Variants in MALRD1 observed in about 807,000 individuals in gnomAD.
MALRD1 encodes the protein MAM and LDL-receptor class A domain-containing protein 1.
MALRD1 carries 247 observed loss-of-function variants against 242.1 expected under a neutral mutation model. The observed-to-expected ratio is 1.02, with a 90% confidence interval of 0.92 to 1.13. The LOEUF (loss-of-function observed/expected upper bound fraction) is 1.13, where lower values mean the gene tolerates loss of function less well. Among genes scored for constraint, MALRD1 ranks in the 50% most tolerant of loss-of-function variants. The pLI is 0.00. For missense variants in MALRD1, 2,989 were observed against 2,533.1 expected, an observed-to-expected ratio of 1.18 and a Z score of -3.86; for synonymous variants, 995 against 866.6, an observed-to-expected ratio of 1.15 and a Z score of -2.60.
At chr10:19,647,662 T>G (rs1840712161) in intron 36 of MALRD1, among the ~76,000 whole-genome samples, 1 of 152,186 alleles carries the variant, frequency 6.6e-6, no homozygotes, top group Admixed American at 6.5e-5. Context: ...GAGCAAGAAC[T>G]GTCCAACTGG....
chr10:19,218,959 T>C (rs1037510220), intron 18 of MALRD1, among the ~76,000 whole-genome samples: 1 of 152,144 alleles, frequency 6.6e-6, no homozygotes, highest in Non-Finnish European at 1.5e-5. Context: ...TCTAATAAGA[T>C]TACAAGTTTT....
intron 36 of MALRD1, among the ~76,000 whole-genome samples, chr10:19,688,728 C>T (rs911128260): frequency 2.0e-5 from 3 of 152,216 alleles, no homozygotes; most frequent in African/African-American, 7.2e-5. Flanking sequence ...ATGGGTGGAA[C>T]TTCAACACAC....
intron 14 of MALRD1, among the ~76,000 whole-genome samples, chr10:19,198,374 A>G (rs761556069): frequency 6.6e-6 from 1 of 152,226 alleles, no homozygotes; most frequent in Non-Finnish European, 1.5e-5. Context: ...AGATGTACAC[A>G]TGAAGCAGGC....
chr10:19,589,749 C>A (rs572325430), intron 33 of MALRD1, among the ~76,000 whole-genome samples: 1 of 152,206 alleles, frequency 6.6e-6, no homozygotes, highest in South Asian at 2.1e-4. Context: ...ATCAACGTTT[C>A]TGAGTGCCCA....
At position 19,305,851 on chromosome 10, in the gene MALRD1, C is replaced by T. The variant is rs1169899078; in HGVS notation, c.3420-18098C>T. On this transcript the variant is annotated intron_variant, in intron 21 of 39. Transcript: ENST00000454679. ...ATATATACTATATATTATGTATATA[C>T]TATATACTATACTATATATTATATA... Among the ~76,000 whole-genome samples the T allele has an allele frequency of 3.1e-5, 4 of 130,152 alleles. No individual in the cohort carries two copies. The East Asian group carries it at 6.4e-4, about 21-fold the overall frequency. 85.4% of individuals were successfully genotyped at this position (130,152 alleles called of 152,430 possible). A position where few individuals can be genotyped will look rare whatever the true frequency, so the allele number is the denominator to read the frequency against.
intron 32 of MALRD1, among the ~76,000 whole-genome samples, chr10:19,548,426 T>C (rs914479550): frequency 2.0e-4 from 31 of 152,174 alleles, no homozygotes; most frequent in African/African-American, 7.2e-4. Flanking sequence ...AAATTAGTTA[T>C]CTATTTTGAA....
At position 19,201,677 on chromosome 10, in the gene MALRD1, G is replaced by C. The variant is rs115485485; in HGVS notation, c.1952-2051G>C. Reference sequence around the variant, plus strand: ...TATTTATGTGTTGTTTGCATATTATGTACTTATGGAGATAGCTTTTAATCC... The same window carrying C: ...TATTTATGTGTTGTTTGCATATTATCTACTTATGGAGATAGCTTTTAATCC... On this transcript the variant is annotated intron_variant, in intron 14 of 39. Coordinates refer to ENST00000454679, the MANE Select transcript of MALRD1 (RefSeq NM_001142308.3). 5.8e-3 allele frequency among the ~76,000 whole-genome samples: 881 copies of C among 152,274 alleles called. 12 individuals are homozygous for C. The highest frequency in any genetic ancestry group is 0.02 in the African/African-American group (825 of 41,558).
At chr10:19,704,224 C>T (rs1349472420) in intron 38 of MALRD1, among the ~76,000 whole-genome samples, 1 of 152,120 alleles carries the variant, frequency 6.6e-6, no homozygotes, top group African/African-American at 2.4e-5. Flanking sequence ...TTCATAGAAT[C>T]GTAAGTCAGT....
intron 18 of MALRD1, among the ~76,000 whole-genome samples, chr10:19,242,185 A>T (rs1333081249): frequency 1.3e-5 from 2 of 152,178 alleles, no homozygotes; most frequent in African/African-American, 4.8e-5. Flanking sequence ...GGCACATCTT[A>T]CATGGTAGCA....
intron 31 of MALRD1, among the ~76,000 whole-genome samples, chr10:19,509,666 T>A (rs191214433): frequency 1.3e-4 from 20 of 152,260 alleles, no homozygotes; most frequent in African/African-American, 3.9e-4. Context: ...TCTTTGTGTT[T>A]TTGTTGTTCA....
At chr10:19,584,939 T>C (rs1564459850) in intron 33 of MALRD1, among the ~76,000 whole-genome samples, 1 of 152,090 alleles carries the variant, frequency 6.6e-6, no homozygotes, top group Non-Finnish European at 1.5e-5. Flanking sequence ...TTTAGGATAG[T>C]TAGCTCTTCT....
intron 21 of MALRD1, among the ~76,000 whole-genome samples, chr10:19,301,762 C>T (rs531810356): frequency 1.3e-5 from 2 of 151,752 alleles, no homozygotes; most frequent in African/African-American, 4.8e-5. Context: ...CTGTTGGGTA[C>T]TATGCTCATT....
chr10:19,521,905 T>C (rs1402154872), intron 31 of MALRD1, among the ~76,000 whole-genome samples: 1 of 152,170 alleles, frequency 6.6e-6, no homozygotes, highest in Non-Finnish European at 1.5e-5. Context: ...TTGTTAACAC[T>C]GTTAATTCTC....
intron 19 of MALRD1, among the ~76,000 whole-genome samples, chr10:19,267,572 A>G (rs1840020950): frequency 6.6e-6 from 1 of 152,124 alleles, no homozygotes; most frequent in African/African-American, 2.4e-5. Flanking sequence ...TTTCAGTGTG[A>G]ATCAAAAAGC....
At chr10:19,396,464 T>C in intron 28 of MALRD1, among the ~76,000 whole-genome samples, 1 of 152,110 alleles carries the variant, frequency 6.6e-6, no homozygotes, top group Admixed American at 6.6e-5. Flanking sequence ...TGCTAAGTCT[T>C]CCAACTATAT....
chr10:19,435,182 T>C (rs1589067886), intron 28 of MALRD1, among the ~76,000 whole-genome samples: 1 of 151,264 alleles, frequency 6.6e-6, no homozygotes, highest in African/African-American at 2.4e-5. Flanking sequence ...AGAGCAGCTT[T>C]GCAGCTTTTA....
At chr10:19,145,912 G>A (rs7906085) in intron 10 of MALRD1, among the ~76,000 whole-genome samples, 52,851 of 151,778 alleles carry the variant, frequency 0.35, 9,520 homozygotes, top group Admixed American at 0.39. Context: ...TACTCCCTGA[G>A]AAGCTTTGGA....
chr10:19,704,102 TAAAC>T (rs1378631418), intron 38 of MALRD1, among the ~76,000 whole-genome samples: 1 of 146,386 alleles, frequency 6.8e-6, no homozygotes, highest in Non-Finnish European at 1.5e-5. Flanking sequence ...ATTTAGTAAA[TAAAC>T]TAACAAAAGT....
intron 24 of MALRD1, among the ~76,000 whole-genome samples, chr10:19,347,518 G>C (rs1057280153): frequency 3.3e-5 from 5 of 151,890 alleles, no homozygotes; most frequent in Non-Finnish European, 7.4e-5. Flanking sequence ...AGAAGGAAAT[G>C]TGTGTAATGC....
Sources: allele counts gnomAD v4.1 joint callset (sites outside exome capture counted in the v4.1 genomes callset), GRCh38; gene constraint gnomAD v4.1.1; transcripts MANE v1.5; gene names NCBI Gene and HGNC (gene_info 2026-07-23, HGNC 2026-07-21).